TRIP4: variants seen among roughly 807,000 people sequenced by gnomAD.
TRIP4 encodes the protein thyroid hormone receptor interactor 4.
A neutral mutation model predicts 81.8 loss-of-function variants in TRIP4; 54 were observed. That is an observed-to-expected ratio of 0.66 (90% confidence interval 0.53 to 0.83). TRIP4 has a LOEUF of 0.83. Among genes scored for constraint, TRIP4 ranks in the 40% least tolerant of loss-of-function variants. The probability of loss-of-function intolerance (pLI) is 0.00; values close to 1 mark genes in which losing one functional copy is unlikely to be tolerated. For synonymous variants in TRIP4, 270 were observed against 242.8 expected, an observed-to-expected ratio of 1.11 and a Z score of -1.04; for missense variants, 662 against 683.6, an observed-to-expected ratio of 0.97 and a Z score of 0.35.
intron 1 of TRIP4, among the ~76,000 whole-genome samples, chr15:64,389,548 T>C (rs1276740794): frequency 1.3e-5 from 2 of 152,148 alleles, no homozygotes; most frequent in Non-Finnish European, 2.9e-5. Flanking sequence ...AGCGAAATCT[T>C]ATGGTTTGGC....
At chr15:64,394,745 T>C (rs534602506) in intron 2 of TRIP4, among the ~76,000 whole-genome samples, 19 of 152,320 alleles carry the variant, frequency 1.2e-4, no homozygotes, top group African/African-American at 4.6e-4. Flanking sequence ...AAAGTGTTGA[T>C]TGACTATAGT....
intron 11 of TRIP4, among the ~76,000 whole-genome samples, chr15:64,441,070 C>T (rs1450184713): frequency 6.6e-6 from 1 of 151,764 alleles, no homozygotes; most frequent in South Asian, 2.1e-4. Flanking sequence ...GATCTCGGCT[C>T]ACTGCAAGCT....
chr15:64,402,018 G>GAA (rs1002467210), intron 5 of TRIP4, among the ~76,000 whole-genome samples: 39 of 152,040 alleles, frequency 2.6e-4, no homozygotes, highest in African/African-American at 9.4e-4. Context: ...ACATTAATGG[G>GAA]AAAAAAATGT....
intron 5 of TRIP4, among the ~76,000 whole-genome samples, chr15:64,404,804 G>A (rs1432884304): frequency 6.6e-6 from 1 of 152,102 alleles, no homozygotes; most frequent in Non-Finnish European, 1.5e-5. Flanking sequence ...TCCTGCCTCA[G>A]CCTCCCAAGT....
At chr15:64,395,285 A>T in intron 2 of TRIP4, 113 bp from the exon 3 acceptor site, 1 of 827,496 alleles carries the variant, frequency 1.2e-6, no homozygotes, top group Non-Finnish European at 1.7e-6. Flanking sequence ...CTTCCTGATG[A>T]TATCTTGACT....
At chr15:64,435,525 C>CAAAAA (rs35102130) in intron 11 of TRIP4, among the ~76,000 whole-genome samples, 4 of 108,314 alleles carry the variant, frequency 3.7e-5, no homozygotes, top group Admixed American at 9.8e-5. Flanking sequence ...GACTCTGTCT[C>CAAAAA]AAAAAAAAAA....
intron 6 of TRIP4, among the ~76,000 whole-genome samples, chr15:64,408,849 G>A (rs533328972): frequency 6.6e-6 from 1 of 152,236 alleles, no homozygotes; most frequent in African/African-American, 2.4e-5. Flanking sequence ...CTTGGCCCCA[G>A]TGCATTAGTG....
At chr15:64,408,030 G>A (rs1236011509) in intron 6 of TRIP4, among the ~76,000 whole-genome samples, 1 of 151,208 alleles carries the variant, frequency 6.6e-6, no homozygotes, top group Non-Finnish European at 1.5e-5. Flanking sequence ...CTGGGAGGTG[G>A]AGGTTACAGT....
chr15:64,388,868 C>T (rs1221198188), intron 1 of TRIP4, among the ~76,000 whole-genome samples: 1 of 152,112 alleles, frequency 6.6e-6, no homozygotes, highest in Admixed American at 6.6e-5. Flanking sequence ...TTTATGACTC[C>T]TATGAAATGG....
chr15:64,436,361 A>G (rs1230198655), intron 11 of TRIP4, among the ~76,000 whole-genome samples: 3 of 151,648 alleles, frequency 2.0e-5, no homozygotes, highest in Non-Finnish European at 4.4e-5. Flanking sequence ...TGGGAGGCCG[A>G]GGCGGGCAGA....
chr15:64,426,556 C>T lies in TRIP4; in HGVS notation c.1575+925C>T, dbSNP rs1285141973. ...TTCTACTAAAAATACAAAAATTAGC[C>T]TGGTATGGTGGCGCATGCCTGTAAT... is the stretch of plus-strand genomic sequence containing the variant. On this transcript the variant is annotated intron_variant, in intron 11 of 12. Coordinates refer to ENST00000261884, the MANE Select transcript of TRIP4 (RefSeq NM_016213.5). Among the ~76,000 whole-genome samples, 8 of 151,976 alleles carry T rather than the reference C, an allele frequency of 5.3e-5. No homozygotes were observed. In the South Asian group the frequency reaches 6.2e-4, roughly 12 times the overall value.
At chr15:64,407,047 A>G (rs1220850590) in intron 6 of TRIP4, among the ~76,000 whole-genome samples, 2 of 152,060 alleles carry the variant, frequency 1.3e-5, no homozygotes, top group Non-Finnish European at 2.9e-5. Context: ...CTCCTTACTT[A>G]CATTTTTTTT....
At chr15:64,411,078 T>A (rs1159421745) in intron 7 of TRIP4, among the ~76,000 whole-genome samples, 1 of 152,168 alleles carries the variant, frequency 6.6e-6, no homozygotes, top group African/African-American at 2.4e-5. Context: ...TCTGTTACTG[T>A]GAATGGGAGT....
chr15:64,420,185 G>A (rs1235758929), intron 9 of TRIP4, among the ~76,000 whole-genome samples: 2 of 149,222 alleles, frequency 1.3e-5, no homozygotes, highest in Non-Finnish European at 3.0e-5. Context: ...GCAATGGTGC[G>A]TTATCAGCTC....
intron 9 of TRIP4, among the ~76,000 whole-genome samples, chr15:64,421,817 G>A (rs1414786672): frequency 6.6e-6 from 1 of 152,144 alleles, no homozygotes; most frequent in Non-Finnish European, 1.5e-5. Context: ...GTCAAGGTGG[G>A]TAGATCACCT....
intron 7 of TRIP4, among the ~76,000 whole-genome samples, chr15:64,411,933 G>C (rs1464645427): frequency 3.1e-5 from 1 of 32,140 alleles, no homozygotes; most frequent in Admixed American, 4.8e-4. Context: ...CACCCGCCTC[G>C]GCCTCCCAAA....
Position 64,409,835 on chromosome 15 carries a change from G to T in TRIP4, c.1043+7G>T. On this transcript the variant is annotated splice_region_variant and intron_variant, in intron 7 of 12. Coordinates refer to ENST00000261884, the MANE Select transcript of TRIP4 (RefSeq NM_016213.5). ...TAGCAGAGTATCATAGCAGGTAAGTGAGCAGCACTAGAAAGGGTCTCAAAG... is the reference window on the plus strand; with the variant it reads ...TAGCAGAGTATCATAGCAGGTAAGTTAGCAGCACTAGAAAGGGTCTCAAAG... The T allele has an allele frequency of 6.2e-7, 1 of 1,613,176 alleles. No individual in the cohort carries two copies. Among genetic ancestry groups the T allele is most frequent in the South Asian group, 1.1e-5 (1 of 91,034 alleles).
chr15:64,434,593 A>G (rs1892349031), intron 11 of TRIP4, among the ~76,000 whole-genome samples: 1 of 152,254 alleles, frequency 6.6e-6, no homozygotes, highest in East Asian at 1.9e-4. Context: ...AATGTGGAAG[A>G]TGGAGTGGAG....
chr15:64,388,116 C>T (rs886996223), intron 1 of TRIP4, 152 bp downstream of exon 1: 2 of 1,298,910 alleles, frequency 1.5e-6, no homozygotes, highest in African/African-American at 1.5e-5. Context: ...TGGCCTCCAC[C>T]TTTGTAGTTT....
Sources: allele counts gnomAD v4.1 joint callset (sites outside exome capture counted in the v4.1 genomes callset), GRCh38; gene constraint gnomAD v4.1.1; transcripts MANE v1.5; gene names NCBI Gene and HGNC (gene_info 2026-07-23, HGNC 2026-07-21).